PIGK: variants seen among roughly 807,000 people sequenced by gnomAD.
The protein encoded by PIGK is GPI-anchor transamidase.
In PIGK, 42 loss-of-function variants were observed where a neutral mutation model predicts 50.6. The observed-to-expected ratio is 0.83, with a 90% confidence interval of 0.65 to 1.07. The LOEUF (loss-of-function observed/expected upper bound fraction) is 1.07, where lower values mean the gene tolerates loss of function less well. Ranked by LOEUF, PIGK falls within the 50% of genes least tolerant of loss-of-function variation. The pLI, the probability that PIGK is intolerant of heterozygous loss-of-function variation, is 0.00. For synonymous variants in PIGK, 151 were observed against 156.0 expected (o/e 0.97, Z 0.24); for missense variants, 448 against 488.7 (o/e 0.92, Z 0.78).
At chr1:77,182,764 A>C (rs1655649990) in intron 3 of PIGK, among the ~76,000 whole-genome samples, 1 of 152,192 alleles carries the variant, frequency 6.6e-6, no homozygotes, top group South Asian at 2.1e-4. Flanking sequence ...AATAGTATGG[A>C]GAACACTGAT....
chr1:77,100,366 C>G (rs1375902080), intron 10 of PIGK, among the ~76,000 whole-genome samples: 2 of 152,156 alleles, frequency 1.3e-5, no homozygotes, highest in Non-Finnish European at 2.9e-5. Flanking sequence ...TCCAGTCTAT[C>G]TATATCCTTT....
chr1:77,206,489 T>C, intron 3 of PIGK, 151 bp downstream of exon 3: 2 of 488,488 alleles, frequency 4.1e-6, no homozygotes, highest in Non-Finnish European at 7.4e-6. Context: ...AATTTATACA[T>C]GGTAGTATGC....
intron 9 of PIGK, among the ~76,000 whole-genome samples, chr1:77,141,932 AT>A (rs1448549725): frequency 6.6e-6 from 1 of 152,188 alleles, no homozygotes; most frequent in African/African-American, 2.4e-5. Flanking sequence ...CAAGGATATC[AT>A]GAGCAAAGAT....
In PIGK at chr1:77,154,288, T is replaced by A. The variant is rs181307721; in HGVS notation, c.986+161A>T. 4 of 586,916 alleles carry A rather than the reference T, an allele frequency of 6.8e-6. No homozygotes were observed. The South Asian group carries it at 9.5e-5, about 14-fold the overall frequency. The allele number at this position is 586,916 out of a possible 1,614,324, so 36.4% of individuals were successfully genotyped here. A position where few individuals can be genotyped will look rare whatever the true frequency, so the allele number is the denominator to read the frequency against. ...TCCACTAATATTGATAGTTTTTACA[T>A]ATAAATCTGAAAAGCATACAGCCTA... is the stretch of plus-strand genomic sequence containing the variant. On this transcript the variant is annotated intron_variant, in intron 9 of 10. Coordinates refer to ENST00000370812, the MANE Select transcript of PIGK (RefSeq NM_005482.3).
intron 2 of PIGK, among the ~76,000 whole-genome samples, chr1:77,208,165 A>T (rs982674688): frequency 6.6e-6 from 1 of 152,142 alleles, no homozygotes; most frequent in Non-Finnish European, 1.5e-5. Flanking sequence ...GTTCAGGGCT[A>T]CAGTGAGCTA....
chr1:77,149,155 G>A (rs756919550), intron 9 of PIGK, among the ~76,000 whole-genome samples: 59 of 152,072 alleles, frequency 3.9e-4, no homozygotes, highest in South Asian at 1.5e-3. Flanking sequence ...TCATTTAATC[G>A]CAAAGGAAAA....
At chr1:77,136,864 T>C (rs573537160) in intron 9 of PIGK, among the ~76,000 whole-genome samples, 1 of 152,348 alleles carries the variant, frequency 6.6e-6, no homozygotes, top group African/African-American at 2.4e-5. Context: ...TCTCTCTGTC[T>C]ATATTTCATA....
At chr1:77,215,503 C>T (rs1430525544) in intron 1 of PIGK, among the ~76,000 whole-genome samples, 1 of 152,120 alleles carries the variant, frequency 6.6e-6, no homozygotes, top group African/African-American at 2.4e-5. Context: ...CTATAGTGAA[C>T]AGTATGGAAG....
intron 9 of PIGK, among the ~76,000 whole-genome samples, chr1:77,142,200 T>C (rs1249871820): frequency 6.6e-6 from 1 of 152,158 alleles, no homozygotes; most frequent in Non-Finnish European, 1.5e-5. Context: ...TAATAATTCC[T>C]GTCAGAATGG....
chr1:77,143,019 G>A (rs915192099), intron 9 of PIGK, among the ~76,000 whole-genome samples: 2 of 152,066 alleles, frequency 1.3e-5, no homozygotes, highest in East Asian at 3.8e-4. Flanking sequence ...ACACCATTAT[G>A]CCAACAAAAA....
At chr1:77,191,321 A>G (rs924344878) in intron 3 of PIGK, among the ~76,000 whole-genome samples, 13 of 152,322 alleles carry the variant, frequency 8.5e-5, no homozygotes, top group Non-Finnish European at 1.3e-4. Context: ...ACTATGTGCA[A>G]TCTTTCACAT....
chr1:77,136,578 T>TA (rs989677959), intron 9 of PIGK, among the ~76,000 whole-genome samples: 11 of 151,736 alleles, frequency 7.2e-5, no homozygotes, highest in Non-Finnish European at 1.5e-4. Context: ...GCTGTCAACT[T>TA]AGTTGTTACC....
chr1:77,171,613 G>A (rs2689668), intron 3 of PIGK, among the ~76,000 whole-genome samples: 12 of 151,878 alleles, frequency 7.9e-5, no homozygotes, highest in Admixed American at 7.9e-4. Context: ...ATTTCTCTTA[G>A]AGATAATTTT....
rs142275567 is a variant in PIGK at position 77,128,305 on chromosome 1, CAAGTT to C, written c.987-5951_987-5947del. 3.8e-3 allele frequency among the ~76,000 whole-genome samples: 572 copies of C among 152,232 alleles called. 5 individuals are homozygous for C. Among genetic ancestry groups the C allele is most frequent in the African/African-American group, 0.013 (542 of 41,542 alleles). On this transcript the variant is annotated intron_variant, in intron 9 of 10. Transcript: ENST00000370812. The stretch of plus-strand genomic sequence containing the variant: ...AGACATAATATGAGGCAGAGAACAG[CAAGTT>C]AAGTCCAAAGAGAACTAAGGTTACA...
At chr1:77,204,235 T>G (rs1161777695) in intron 3 of PIGK, among the ~76,000 whole-genome samples, 2 of 152,130 alleles carry the variant, frequency 1.3e-5, no homozygotes, top group African/African-American at 4.8e-5. Flanking sequence ...GGAATGTCTG[T>G]CTTATACGGT....
intron 3 of PIGK, among the ~76,000 whole-genome samples, chr1:77,196,414 A>G (rs901520340): frequency 2.6e-5 from 4 of 152,150 alleles, no homozygotes; most frequent in African/African-American, 9.7e-5. Context: ...TTTCCACCGT[A>G]ACTGAACTAA....
chr1:77,189,288 T>C (rs1351123290), intron 3 of PIGK, among the ~76,000 whole-genome samples: 1 of 152,174 alleles, frequency 6.6e-6, no homozygotes, highest in Admixed American at 6.5e-5. Context: ...ATCTCAGATG[T>C]GTATGGGTTC....
chr1:77,136,982 C>T (rs189210617), intron 9 of PIGK, among the ~76,000 whole-genome samples: 1 of 152,184 alleles, frequency 6.6e-6, no homozygotes, highest in African/African-American at 2.4e-5. Context: ...TCTATTCATA[C>T]CTTTTTGAGA....
intron 9 of PIGK, among the ~76,000 whole-genome samples, chr1:77,141,897 G>A (rs1654658063): frequency 6.6e-6 from 1 of 152,008 alleles, no homozygotes; most frequent in African/African-American, 2.4e-5. Flanking sequence ...GTTAACAGCT[G>A]TGACCCAAAA....
Sources: gnomAD v4.1 joint callset for allele counts (sites outside exome capture counted in the v4.1 genomes callset) on GRCh38, gnomAD v4.1.1 for gene constraint, MANE v1.5 for transcripts, NCBI Gene and HGNC (gene_info 2026-07-23, HGNC 2026-07-21) for gene names.